Variants in SRD5A3 observed in about 807,000 individuals in gnomAD.
SRD5A3 encodes steroid 5 alpha-reductase 3.
A neutral mutation model predicts 34.3 loss-of-function variants in SRD5A3; 24 were observed. The observed-to-expected ratio is 0.70, with a 90% CI of 0.51 to 0.99. The LOEUF is 0.99. Ranked by LOEUF, SRD5A3 falls within the 50% of genes least tolerant of loss-of-function variation. SRD5A3 has a pLI of 0.00. For missense variants in SRD5A3, 350 were observed against 388.2 expected (o/e 0.90, Z 0.83); for synonymous variants, 161 against 167.3 (o/e 0.96, Z 0.29).
At chr4:55,350,489 A>G (rs952143504) in intron 1 of SRD5A3, among the ~76,000 whole-genome samples, 3 of 152,180 alleles carry the variant, frequency 2.0e-5, no homozygotes, top group Non-Finnish European at 4.4e-5. Flanking sequence ...TTATGCTTGT[A>G]TAATTTTTTT....
intron 1 of SRD5A3, among the ~76,000 whole-genome samples, chr4:55,357,387 G>A (rs1440469069): frequency 6.6e-6 from 1 of 152,204 alleles, no homozygotes; most frequent in Non-Finnish European, 1.5e-5. Context: ...TATCCCTCCT[G>A]CCTTTTCCTG....
chr4:55,354,937 G>A (rs1486271620), intron 1 of SRD5A3, among the ~76,000 whole-genome samples: 4 of 152,218 alleles, frequency 2.6e-5, no homozygotes, highest in African/African-American at 7.2e-5. Flanking sequence ...GCACTCAAAT[G>A]TTTGTTAAGC....
chr4:55,359,407 A>G lies in SRD5A3; in HGVS notation c.283A>G (p.Thr95Ala). ...GAATGGCTTCCTGCTTTGGTGCCTT[A>G]CTCAATCTCTGTTCCTGGGAGCACC... Reference protein sequence around the residue: ...LWNGFLLWCLTQSLFLGAPFP... With the variant: ...LWNGFLLWCLAQSLFLGAPFP... Residue 95 changes from threonine to alanine, a missense_variant, in exon 2 of 5, where the codon ACT (threonine) becomes GCT (alanine). Transcript: ENST00000264228. 1 of 1,612,800 alleles carries G rather than the reference A, an allele frequency of 6.2e-7. No homozygotes were observed. Among genetic ancestry groups the G allele is most frequent in the Non-Finnish European group, 8.5e-7 (1 of 1,179,806 alleles).
chr4:55,358,191 C>T (rs4864983), intron 1 of SRD5A3, among the ~76,000 whole-genome samples: 136,244 of 152,136 alleles, frequency 0.9, 61,368 homozygotes, highest in East Asian at 1. Context: ...AGGTTTCAGA[C>T]TGAATAGAAA....
chr4:55,346,514 C>G lies in SRD5A3; in HGVS notation c.178C>G (p.Pro60Ala), dbSNP rs750686550. The G allele has an allele frequency of 6.3e-7, 1 of 1,598,726 alleles. No individual in the cohort carries two copies. The highest frequency in any genetic ancestry group is 8.5e-7 in the Non-Finnish European group (1 of 1,173,850). ...IRYGKTKCGE[P>A]SRPAACRAFD... ...CTATGGGAAAACCAAGTGTGGGGAG[C>G]CGTCGCGCCCCGCCGCCTGCCGAGC... The change falls in exon 1 of 5, where the codon CCG becomes GCG. Residue 60 changes from proline (P) to alanine (A), a missense_variant. Pro to Ala is a conservative substitution (Grantham distance 27, BLOSUM62 -1). Coordinates refer to ENST00000264228, the MANE Select transcript of SRD5A3 (RefSeq NM_024592.5).
Position 55,346,381 on chromosome 4 carries a change from G to A in SRD5A3, c.45G>A (p.Leu15=). Residue 15 remains leucine, a synonymous_variant, in exon 1 of 5, where the codon CTG becomes CTA. Transcript: ENST00000264228. ...AEAEHSALNP[L]RAVWLTLTAA... ...CCGAGCACTCGGCGCTGAACCCGCT[G>A]CGCGCGGTGTGGCTCACGCTGACCG... 6.4e-7 allele frequency: 1 copy of A among 1,571,362 alleles called. No homozygotes were observed. The highest frequency in any genetic ancestry group is 8.6e-7 in the Non-Finnish European group (1 of 1,161,396).
chr4:55,366,370 G>A (rs936396748), intron 3 of SRD5A3, among the ~76,000 whole-genome samples: 1 of 152,118 alleles, frequency 6.6e-6, no homozygotes, highest in Non-Finnish European at 1.5e-5. Flanking sequence ...GTAGAGACAG[G>A]TTCTCGCTAT....
intron 3 of SRD5A3, among the ~76,000 whole-genome samples, chr4:55,365,863 C>G (rs551545752): frequency 6.6e-6 from 1 of 152,342 alleles, no homozygotes; most frequent in Admixed American, 6.5e-5. Context: ...ATAGAAATAA[C>G]ATGGGCTCCA....
chr4:55,348,462 G>T (rs1272601990), intron 1 of SRD5A3, among the ~76,000 whole-genome samples: 5 of 152,148 alleles, frequency 3.3e-5, no homozygotes, highest in South Asian at 2.1e-4. Context: ...TTGGGTGGAG[G>T]TAAGAGTCTA....
At chr4:55,365,730 TTC>T (rs765824924) in intron 3 of SRD5A3, 8 of 152,374 alleles carry the variant, frequency 5.3e-5, no homozygotes, top group Non-Finnish European at 1.2e-4. Context: ...TGAAGCTGTT[TTC>T]TGTTTCACCT....
At chr4:55,347,329 C>T (rs542349304) in intron 1 of SRD5A3, among the ~76,000 whole-genome samples, 169 of 152,246 alleles carry the variant, frequency 1.1e-3, no homozygotes, top group African/African-American at 3.7e-3. Context: ...AGAACAGTGC[C>T]CCTTAAGATG....
rs560374304 is a variant in SRD5A3 at position 55,355,268 on chromosome 4, C to T, written c.222-4078C>T. Among the ~76,000 whole-genome samples the T allele has an allele frequency of 1.4e-3, 215 of 152,184 alleles. 1 individual carries two copies. Among genetic ancestry groups the T allele is most frequent in the Admixed American group, 1.4e-3 (22 of 15,280 alleles). On this transcript the variant is annotated intron_variant, in intron 1 of 4. Coordinates refer to ENST00000264228, the MANE Select transcript of SRD5A3 (RefSeq NM_024592.5). ...GGTTAGGAGATCGAGACCATCCTGG[C>T]TAACACGGTGAAACCCCGTCTCTAC...
chr4:55,358,183 G>A (rs1441090946), intron 1 of SRD5A3, among the ~76,000 whole-genome samples: 2 of 152,090 alleles, frequency 1.3e-5, no homozygotes, highest in Admixed American at 6.6e-5. Context: ...AGTCAGAAAG[G>A]TTTCAGACTG....
chr4:55,351,856 T>C (rs1719206959), intron 1 of SRD5A3: 2 of 582,332 alleles, frequency 3.4e-6, no homozygotes, highest in Non-Finnish European at 6.7e-6. Context: ...CATTCAATGT[T>C]GTATCTATGG....
chr4:55,355,254 C>G (rs966213735), intron 1 of SRD5A3, among the ~76,000 whole-genome samples: 1 of 152,006 alleles, frequency 6.6e-6, no homozygotes, highest in South Asian at 2.1e-4. Flanking sequence ...GTTAGGAGAT[C>G]GAGACCATCC....
intron 1 of SRD5A3, among the ~76,000 whole-genome samples, chr4:55,355,889 A>G (rs1719435994): frequency 1.3e-5 from 2 of 151,622 alleles, no homozygotes; most frequent in Admixed American, 6.6e-5. Flanking sequence ...GCCATGCTCT[A>G]CCTGGCACCC....
At chr4:55,355,944 A>G (rs1202110132) in intron 1 of SRD5A3, among the ~76,000 whole-genome samples, 1 of 147,238 alleles carries the variant, frequency 6.8e-6, no homozygotes, top group Non-Finnish European at 1.5e-5. Context: ...TACCAGAGGG[A>G]TATTTTTTCA....
intron 1 of SRD5A3, among the ~76,000 whole-genome samples, chr4:55,354,506 TACTG>T (rs1041784425): frequency 1.3e-5 from 2 of 152,206 alleles, no homozygotes; most frequent in Non-Finnish European, 2.9e-5. Flanking sequence ...CCCACTACCT[TACTG>T]ACTTTGTCTC....
intron 1 of SRD5A3, among the ~76,000 whole-genome samples, chr4:55,353,206 G>A (rs1342885365): frequency 6.6e-6 from 1 of 152,192 alleles, no homozygotes; most frequent in Non-Finnish European, 1.5e-5. Flanking sequence ...CCTGGGTGGA[G>A]TGGGGACTTA....
Sources: allele counts gnomAD v4.1 joint callset (sites outside exome capture counted in the v4.1 genomes callset), GRCh38; gene constraint gnomAD v4.1.1; transcripts MANE v1.5; gene names NCBI Gene and HGNC (gene_info 2026-07-23, HGNC 2026-07-21).